Variants in STPG2 observed in about 807,000 individuals in gnomAD.
STPG2 encodes sperm-tail PG-rich repeat-containing protein 2.
A neutral mutation model predicts 54.2 loss-of-function variants in STPG2; 56 were observed. That is an observed-to-expected ratio of 1.03 (90% CI 0.83 to 1.29). STPG2 has a LOEUF of 1.29. Ranked by LOEUF, STPG2 falls within the 50% of genes most tolerant of loss-of-function variation. The pLI, the probability that STPG2 is intolerant of heterozygous loss-of-function variation, is 0.00. For synonymous variants in STPG2, 200 were observed against 181.8 expected, an observed-to-expected ratio of 1.10 and a Z score of -0.81; for missense variants, 596 against 544.9, an observed-to-expected ratio of 1.09 and a Z score of -0.93.
At chr4:97,908,080 C>T (rs879962066) in intron 8 of STPG2, among the ~76,000 whole-genome samples, 1 of 151,496 alleles carries the variant, frequency 6.6e-6, no homozygotes, top group African/African-American at 2.4e-5. Context: ...AGTGAACAGG[C>T]AACCTACAAA....
chr4:97,938,403 TC>T (rs1732838120), intron 8 of STPG2, among the ~76,000 whole-genome samples: 3 of 152,230 alleles, frequency 2.0e-5, no homozygotes, highest in East Asian at 3.9e-4. Flanking sequence ...ATAATGGCTA[TC>T]CCTCCCTCGG....
At chr4:98,070,500 T>A (rs13106434) in intron 5 of STPG2, among the ~76,000 whole-genome samples, 60,231 of 151,806 alleles carry the variant, frequency 0.4, 12,251 homozygotes, top group Middle Eastern at 0.47. Flanking sequence ...CAGCATAGTA[T>A]TAGAAGTTCT....
At chr4:97,806,526 A>T (rs1727572365) in intron 9 of STPG2, among the ~76,000 whole-genome samples, 1 of 152,122 alleles carries the variant, frequency 6.6e-6, no homozygotes, top group Admixed American at 6.6e-5. Context: ...AAAGTTGAAA[A>T]TAAATAATAA....
At chr4:97,948,860 T>C (rs575062984) in intron 7 of STPG2, among the ~76,000 whole-genome samples, 1 of 152,120 alleles carries the variant, frequency 6.6e-6, no homozygotes, top group Non-Finnish European at 1.5e-5. Flanking sequence ...AAATGTTCCA[T>C]GTGCTGATGA....
chr4:98,071,685 C>G (rs148453511), intron 5 of STPG2, among the ~76,000 whole-genome samples: 287 of 152,178 alleles, frequency 1.9e-3, no homozygotes, highest in African/African-American at 6.8e-3. Flanking sequence ...GTCTGATATT[C>G]AGCGACTACA....
At chr4:97,602,437 G>C (rs1377351918) in intron 10 of STPG2, among the ~76,000 whole-genome samples, 1 of 151,670 alleles carries the variant, frequency 6.6e-6, no homozygotes, top group East Asian at 1.9e-4. Context: ...TACTGCTCAA[G>C]ATAGTGCCTC....
At chr4:97,845,592 CTATT>C (rs1728925585) in intron 8 of STPG2, among the ~76,000 whole-genome samples, 1 of 152,100 alleles carries the variant, frequency 6.6e-6, no homozygotes, top group African/African-American at 2.4e-5. Context: ...CCGACCATGA[CTATT>C]TACTTCTAAA....
intron 10 of STPG2, among the ~76,000 whole-genome samples, chr4:97,662,131 T>A (rs1408849687): frequency 4.6e-5 from 7 of 152,080 alleles, no homozygotes; most frequent in Non-Finnish European, 2.9e-5. Context: ...AAACTATGCA[T>A]CTGTCAAGGT....
intron 10 of STPG2, among the ~76,000 whole-genome samples, chr4:97,613,356 T>C (rs73831962): frequency 0.023 from 3,522 of 152,150 alleles, 134 homozygotes; most frequent in African/African-American, 0.079. Flanking sequence ...ATAATTAAAC[T>C]GGGGTTATGG....
In STPG2 at chr4:97,559,115, T is replaced by A; in HGVS notation, c.1323A>T (p.Ile441=). 1.3e-6 allele frequency: 2 copies of A among 1,597,210 alleles called. No individual in the cohort carries two copies. Among genetic ancestry groups the A allele is most frequent in the South Asian group, 2.3e-5 (2 of 87,576 alleles). ...EITPGPATYE[I]SQEKKKGNLI... ...GATTTCCTTTCTTTTTCTCCTGGGA[T>A]ATCTGTTTAATAAGAATGAGAAAAA... is the stretch of plus-strand genomic sequence containing the variant. The change falls in exon 11 of 11, where the codon ATA becomes ATT. Residue 441 remains isoleucine, a splice_region_variant and synonymous_variant. Coordinates refer to ENST00000295268, the MANE Select transcript of STPG2 (RefSeq NM_174952.3).
At chr4:97,449,748 T>G (rs1451043651) in intron 4 of STPG2, among the ~76,000 whole-genome samples, 1 of 152,206 alleles carries the variant, frequency 6.6e-6, no homozygotes, top group African/African-American at 2.4e-5. Context: ...TTCTTAGATT[T>G]ATAGTTTTTC....
At chr4:97,649,946 T>G (rs1444182385) in intron 10 of STPG2, among the ~76,000 whole-genome samples, 2 of 152,116 alleles carry the variant, frequency 1.3e-5, no homozygotes, top group African/African-American at 2.4e-5. Context: ...GTAGAATCAG[T>G]GGGAGCCCTG....
At chr4:97,939,683 C>T (rs1471549072) in intron 8 of STPG2, among the ~76,000 whole-genome samples, 1 of 152,112 alleles carries the variant, frequency 6.6e-6, no homozygotes, top group Non-Finnish European at 1.5e-5. Flanking sequence ...TTATTTTGAG[C>T]CTATGAGAGT....
intron 10 of STPG2, among the ~76,000 whole-genome samples, chr4:97,613,036 T>C (rs1391556136): frequency 6.6e-6 from 1 of 152,130 alleles, no homozygotes; most frequent in African/African-American, 2.4e-5. Context: ...CTGTGTTTGA[T>C]CTATTACTTC....
chr4:97,957,821 G>A (rs1244723059), intron 7 of STPG2, among the ~76,000 whole-genome samples: 2 of 152,152 alleles, frequency 1.3e-5, no homozygotes, highest in Admixed American at 6.5e-5. Context: ...GTGAAACTGA[G>A]CTTCAGGAAT....
chr4:97,495,702 G>A (rs542685752), intron 4 of STPG2, among the ~76,000 whole-genome samples: 104 of 76,318 alleles, frequency 1.4e-3, no homozygotes, highest in African/African-American at 6.2e-3. Context: ...GGAAAGGGAT[G>A]GTCAAGACAA....
At chr4:97,919,758 A>G (rs1732027169) in intron 8 of STPG2, among the ~76,000 whole-genome samples, 1 of 152,206 alleles carries the variant, frequency 6.6e-6, no homozygotes, top group Non-Finnish European at 1.5e-5. Context: ...CAATCTTGGA[A>G]AAAACCTAGT....
At chr4:97,856,043 A>G (rs1729323809) in intron 8 of STPG2, among the ~76,000 whole-genome samples, 1 of 152,106 alleles carries the variant, frequency 6.6e-6, no homozygotes. Context: ...TTTTTGTATC[A>G]GTACCATGAT....
At chr4:97,514,673 C>T (rs1475542154) in intron 4 of STPG2, among the ~76,000 whole-genome samples, 2 of 151,978 alleles carry the variant, frequency 1.3e-5, no homozygotes, top group Admixed American at 1.3e-4. Flanking sequence ...AAAATGCTAG[C>T]TGTAGATGTT....
Sources: gnomAD v4.1 joint callset for allele counts (sites outside exome capture counted in the v4.1 genomes callset) on GRCh38, gnomAD v4.1.1 for gene constraint, MANE v1.5 for transcripts, NCBI Gene and HGNC (gene_info 2026-07-23, HGNC 2026-07-21) for gene names.